GAB2: variants seen among roughly 807,000 people sequenced by gnomAD.
GAB2 encodes GRB2-associated-binding protein 2.
Under a neutral mutation model 65.5 loss-of-function variants are expected in GAB2, and 26 were observed. That is an observed-to-expected ratio of 0.40 (90% CI 0.29 to 0.55). GAB2 has a LOEUF of 0.55. Among genes scored for constraint, GAB2 ranks in the 20% least tolerant of loss-of-function variants. The probability of loss-of-function intolerance (pLI) is 0.53; values close to 1 mark genes in which losing one functional copy is unlikely to be tolerated. For synonymous variants in GAB2, 321 were observed against 329.6 expected (o/e 0.97, Z 0.28); for missense variants, 884 against 875.8 (o/e 1.01, Z -0.12).
chr11:78,317,809 G>C (rs1254859521), intron 1 of GAB2, among the ~76,000 whole-genome samples: 1 of 152,070 alleles, frequency 6.6e-6, no homozygotes, highest in Non-Finnish European at 1.5e-5. Flanking sequence ...GATCATCCCA[G>C]GGTGAATTCT....
At chr11:78,262,454 G>C (rs947911649) in intron 2 of GAB2, among the ~76,000 whole-genome samples, 13 of 152,228 alleles carry the variant, frequency 8.5e-5, no homozygotes, top group Admixed American at 7.2e-4. Context: ...TGAGGGAAAA[G>C]ATCTTGAACT....
intron 2 of GAB2, among the ~76,000 whole-genome samples, chr11:78,280,053 G>C (rs1205107200): frequency 6.6e-6 from 1 of 152,170 alleles, no homozygotes; most frequent in Non-Finnish European, 1.5e-5. Flanking sequence ...ACTCTTTTGT[G>C]AAGATTATAA....
rs925395270 is a variant in GAB2 at position 78,367,926 on chromosome 11, C to T, written c.75+49720G>A. On this transcript the variant is annotated intron_variant, in intron 1 of 9. Transcript: ENST00000361507. Reference sequence around the variant, plus strand: ...CCGCCTCCCGGATTCACGCCATTCTCCTGCCTCAGCCTCCCGAGTAGCTGG... The same window carrying T: ...CCGCCTCCCGGATTCACGCCATTCTTCTGCCTCAGCCTCCCGAGTAGCTGG... Among the ~76,000 whole-genome samples the T allele has an allele frequency of 8.6e-5, 13 of 151,110 alleles. No homozygotes were observed. The South Asian group carries it at 2.5e-3, about 29-fold the overall frequency.
chr11:78,241,161 A>T (rs182558437), intron 3 of GAB2, among the ~76,000 whole-genome samples: 1 of 152,234 alleles, frequency 6.6e-6, no homozygotes. Flanking sequence ...AAACTTCTAT[A>T]GTCTAGGCCA....
intron 1 of GAB2, among the ~76,000 whole-genome samples, chr11:78,343,298 G>T (rs1386933210): frequency 6.6e-6 from 1 of 150,826 alleles, no homozygotes; most frequent in Non-Finnish European, 1.5e-5. Flanking sequence ...CCCGTTGATA[G>T]ACTGAAAATT....
chr11:78,407,844 A>C (rs1857075061), intron 1 of GAB2, among the ~76,000 whole-genome samples: 2 of 152,144 alleles, frequency 1.3e-5, no homozygotes, highest in Admixed American at 6.5e-5. Flanking sequence ...AATTGGAAAG[A>C]CCATGGATTT....
intron 1 of GAB2, among the ~76,000 whole-genome samples, chr11:78,399,158 G>C (rs114343469): frequency 0.017 from 2,635 of 152,248 alleles, 88 homozygotes; most frequent in African/African-American, 0.062. Context: ...GAATATCAGC[G>C]ACTTCTGAAA....
intron 1 of GAB2, among the ~76,000 whole-genome samples, chr11:78,381,375 A>G (rs1181450454): frequency 6.6e-6 from 1 of 152,234 alleles, no homozygotes; most frequent in Non-Finnish European, 1.5e-5. Context: ...ACCTGTGGTC[A>G]AGCAGTATTT....
At chr11:78,274,370 T>C (rs1590988707) in intron 2 of GAB2, among the ~76,000 whole-genome samples, 1 of 152,158 alleles carries the variant, frequency 6.6e-6, no homozygotes, top group Non-Finnish European at 1.5e-5. Context: ...GAAGCCTCTA[T>C]AGGAGCAAAC....
intron 1 of GAB2, among the ~76,000 whole-genome samples, chr11:78,341,370 T>C (rs987596962): frequency 1.3e-5 from 2 of 152,202 alleles, no homozygotes; most frequent in Non-Finnish European, 2.9e-5. Context: ...AAGTATAGAA[T>C]ACTAAATGCT....
At chr11:78,309,336 A>G (rs1042903492) in intron 1 of GAB2, among the ~76,000 whole-genome samples, 8 of 152,204 alleles carry the variant, frequency 5.3e-5, no homozygotes, top group African/African-American at 1.9e-4. Context: ...ATTTAATTCC[A>G]GAATATTTTC....
At chr11:78,417,198 GCGCTCGCCCTTTGTGGGGCCGTC>G (rs1187451412) in intron 1 of GAB2, among the ~76,000 whole-genome samples, 21 of 152,220 alleles carry the variant, frequency 1.4e-4, no homozygotes, top group Non-Finnish European at 1.8e-4. Context: ...AGGGCGTGAG[GCGCTCGCCCTTTGTGGGGCCGTC>G]CGCGCGGCCC....
At chr11:78,413,725 T>C (rs1857157945) in intron 1 of GAB2, among the ~76,000 whole-genome samples, 1 of 152,098 alleles carries the variant, frequency 6.6e-6, no homozygotes, top group Non-Finnish European at 1.5e-5. Flanking sequence ...TGATTCAAAG[T>C]ATAAGTAGCA....
chr11:78,222,925 G>T (rs574338669), intron 6 of GAB2, among the ~76,000 whole-genome samples: 1 of 152,202 alleles, frequency 6.6e-6, no homozygotes, highest in Non-Finnish European at 1.5e-5. Flanking sequence ...TGGTCACCGT[G>T]ACTACTCCCT....
chr11:78,362,074 T>C (rs1305752389), intron 1 of GAB2, among the ~76,000 whole-genome samples: 3 of 146,234 alleles, frequency 2.1e-5, no homozygotes, highest in Non-Finnish European at 3.0e-5. Flanking sequence ...CAAGATATAT[T>C]ATGAAGTAAA....
chr11:78,315,778 T>C (rs1460455758), intron 1 of GAB2, among the ~76,000 whole-genome samples: 1 of 152,072 alleles, frequency 6.6e-6, no homozygotes, highest in Non-Finnish European at 1.5e-5. Context: ...GGTAAAGGAT[T>C]TGTGATGGTT....
chr11:78,250,557 G>T (rs991132965), intron 2 of GAB2, among the ~76,000 whole-genome samples, 157 bp from the exon 3 acceptor site: 3 of 152,104 alleles, frequency 2.0e-5, no homozygotes, highest in African/African-American at 4.8e-5. Flanking sequence ...CTGCCCTCCT[G>T]GCCATCTTGG....
In GAB2 at chr11:78,367,051, A is replaced by G. The variant is rs184861125; in HGVS notation, c.75+50595T>C. 9.2e-5 allele frequency among the ~76,000 whole-genome samples: 14 copies of G among 152,278 alleles called. No homozygotes were observed. The East Asian group carries it at 2.7e-3, about 29-fold the overall frequency. On this transcript the variant is annotated intron_variant, in intron 1 of 9. Transcript: ENST00000361507. ...TAGCAAGGGAGATAAGTCATATACAAAATTATGATACTAAGGTATATTCCT... is the reference window on the plus strand; with the variant it reads ...TAGCAAGGGAGATAAGTCATATACAGAATTATGATACTAAGGTATATTCCT...
At chr11:78,334,774 G>A (rs1471591104) in intron 1 of GAB2, among the ~76,000 whole-genome samples, 2 of 152,304 alleles carry the variant, frequency 1.3e-5, no homozygotes, top group Middle Eastern at 3.4e-3. Context: ...ATACTCAGCT[G>A]TGGGATTGCT....
Sources: allele counts gnomAD v4.1 joint callset (sites outside exome capture counted in the v4.1 genomes callset), GRCh38; gene constraint gnomAD v4.1.1; transcripts MANE v1.5; gene names NCBI Gene and HGNC (gene_info 2026-07-23, HGNC 2026-07-21).